RAB31: variants seen among roughly 807,000 people sequenced by gnomAD.
RAB31 encodes the protein ras-related protein Rab-31.
Under a neutral mutation model 25.6 loss-of-function variants are expected in RAB31, and 21 were observed. The observed-to-expected ratio is 0.82, with a 90% CI of 0.58 to 1.18. The LOEUF (loss-of-function observed/expected upper bound fraction) is 1.18, where lower values mean the gene tolerates loss of function less well. RAB31 is among the 50% of genes most tolerant of loss of function. The pLI is 0.00. For synonymous variants in RAB31, 87 were observed against 84.0 expected, an observed-to-expected ratio of 1.04 and a Z score of -0.20; for missense variants, 196 against 250.1, an observed-to-expected ratio of 0.78 and a Z score of 1.46.
At chr18:9,721,027 G>A (rs1041547223) in intron 1 of RAB31, among the ~76,000 whole-genome samples, 1 of 152,028 alleles carries the variant, frequency 6.6e-6, no homozygotes, top group African/African-American at 2.4e-5. Flanking sequence ...CCTCCTTTTG[G>A]GGAATGGTGA....
chr18:9,740,594 T>G (rs1241921776), intron 1 of RAB31, among the ~76,000 whole-genome samples: 1 of 152,044 alleles, frequency 6.6e-6, no homozygotes, highest in Admixed American at 6.6e-5. Context: ...ACACCTGTAA[T>G]CCCAGCTACT....
chr18:9,754,124 C>G (rs754185922), intron 1 of RAB31, among the ~76,000 whole-genome samples: 1 of 152,158 alleles, frequency 6.6e-6, no homozygotes, highest in Non-Finnish European at 1.5e-5. Context: ...ACCTTGAGGT[C>G]TAGCACTATA....
intron 1 of RAB31, among the ~76,000 whole-genome samples, chr18:9,729,867 C>T (rs2068113863): frequency 6.6e-6 from 1 of 152,108 alleles, no homozygotes; most frequent in South Asian, 2.1e-4. Context: ...TATGAATTTA[C>T]CCCTGGTTGT....
chr18:9,774,684 T>C (rs2068362927), intron 1 of RAB31, among the ~76,000 whole-genome samples: 1 of 152,232 alleles, frequency 6.6e-6, no homozygotes, highest in South Asian at 2.1e-4. Flanking sequence ...ATTTCCAGTG[T>C]GTAATTGGAC....
At chr18:9,724,868 C>T (rs557171163) in intron 1 of RAB31, among the ~76,000 whole-genome samples, 1 of 152,312 alleles carries the variant, frequency 6.6e-6, no homozygotes, top group Admixed American at 6.5e-5. Flanking sequence ...ACTACCCTGA[C>T]CTCAGTGGCT....
At chr18:9,840,410 G>A (rs778210477) in intron 5 of RAB31, among the ~76,000 whole-genome samples, 2 of 152,116 alleles carry the variant, frequency 1.3e-5, no homozygotes, top group African/African-American at 4.8e-5. Context: ...ACGGGATGCC[G>A]TACCCTCCCA....
At chr18:9,833,465 C>T (rs1270818037) in intron 5 of RAB31, among the ~76,000 whole-genome samples, 3 of 152,172 alleles carry the variant, frequency 2.0e-5, no homozygotes, top group East Asian at 1.9e-4. Flanking sequence ...GTCCTGAACG[C>T]CCAGAGCCTC....
intron 3 of RAB31, among the ~76,000 whole-genome samples, chr18:9,804,324 T>G (rs1009245120): frequency 6.6e-6 from 1 of 152,170 alleles, no homozygotes; most frequent in African/African-American, 2.4e-5. Context: ...GGCAATGACA[T>G]TTTGCTGATG....
chr18:9,749,843 G>A (rs1297756343), intron 1 of RAB31, among the ~76,000 whole-genome samples: 1 of 152,138 alleles, frequency 6.6e-6, no homozygotes, highest in Non-Finnish European at 1.5e-5. Flanking sequence ...TGTTCCTCTG[G>A]GATGCAACAT....
intron 5 of RAB31, among the ~76,000 whole-genome samples, chr18:9,826,322 G>A (rs2068649522): frequency 6.6e-6 from 1 of 152,146 alleles, no homozygotes; most frequent in South Asian, 2.1e-4. Context: ...GTTGCAGTGA[G>A]CTGAGATCGC....
chr18:9,858,426 T>C (rs2068830174), intron 6 of RAB31, among the ~76,000 whole-genome samples: 1 of 152,168 alleles, frequency 6.6e-6, no homozygotes, highest in African/African-American at 2.4e-5. Flanking sequence ...CCATTTCAAA[T>C]GTACAATTCG....
At chr18:9,727,130 T>C (rs2068099626) in intron 1 of RAB31, among the ~76,000 whole-genome samples, 1 of 152,146 alleles carries the variant, frequency 6.6e-6, no homozygotes, top group Non-Finnish European at 1.5e-5. Flanking sequence ...GATGCTGGCC[T>C]GGGGAGATGG....
intron 1 of RAB31, among the ~76,000 whole-genome samples, chr18:9,729,769 A>G (rs2068113360): frequency 1.3e-5 from 2 of 150,996 alleles, no homozygotes; most frequent in African/African-American, 2.4e-5. Flanking sequence ...TTCCATGTGT[A>G]TGTGTGTCTG....
chr18:9,790,519 AG>A (rs1158141187), intron 2 of RAB31, among the ~76,000 whole-genome samples: 1 of 152,174 alleles, frequency 6.6e-6, no homozygotes, highest in East Asian at 1.9e-4. Flanking sequence ...TACAGAAAAA[AG>A]AGCCACCACA....
At chr18:9,719,269 CAAAAAAAAAAAAAA>C (rs56291796) in intron 1 of RAB31, among the ~76,000 whole-genome samples, 5 of 21,446 alleles carry the variant, frequency 2.3e-4, no homozygotes, top group African/African-American at 1.0e-3. Flanking sequence ...GACTCTGTCT[CAAAAAAAAAAAAAA>C]AAAAAAAAAA....
At chr18:9,851,716 G>T (rs1188686299) in intron 6 of RAB31, among the ~76,000 whole-genome samples, 1 of 152,088 alleles carries the variant, frequency 6.6e-6, no homozygotes, top group African/African-American at 2.4e-5. Context: ...AGAAATCATG[G>T]TACACCCATA....
chr18:9,780,408 A>G (rs776711167), intron 2 of RAB31, among the ~76,000 whole-genome samples: 3 of 152,198 alleles, frequency 2.0e-5, no homozygotes, highest in African/African-American at 4.8e-5. Flanking sequence ...TGAAAAAAAC[A>G]TGAGGAAAAA....
At chr18:9,830,829 A>G (rs2068674386) in intron 5 of RAB31, among the ~76,000 whole-genome samples, 1 of 152,152 alleles carries the variant, frequency 6.6e-6, no homozygotes, top group South Asian at 2.1e-4. Context: ...CATAAGCTTT[A>G]CAGTTTTGGT....
intron 3 of RAB31, among the ~76,000 whole-genome samples, chr18:9,812,491 A>G (rs8090355): frequency 0.13 from 19,626 of 152,212 alleles, 1,631 homozygotes; most frequent in Non-Finnish European, 0.19. Context: ...ACTGAACAGC[A>G]CAAATCTTTT....
Sources: allele counts gnomAD v4.1 joint callset (sites outside exome capture counted in the v4.1 genomes callset), GRCh38; gene constraint gnomAD v4.1.1; transcripts MANE v1.5; gene names NCBI Gene and HGNC (gene_info 2026-07-23, HGNC 2026-07-21).